NEO1: variants seen among roughly 807,000 people sequenced by gnomAD.
NEO1 encodes the protein neogenin 1.
NEO1 carries 63 observed loss-of-function variants against 159.7 expected under a neutral mutation model. The observed-to-expected ratio is 0.39, with a 90% CI of 0.32 to 0.49. The LOEUF (loss-of-function observed/expected upper bound fraction) is 0.49. Ranked by LOEUF, NEO1 falls within the 20% of genes least tolerant of loss-of-function variation. The pLI, the probability that NEO1 is intolerant of heterozygous loss-of-function variation, is 0.85. For synonymous variants in NEO1, 633 were observed against 662.0 expected (o/e 0.96, Z 0.67); for missense variants, 1,615 against 1,831.0 (o/e 0.88, Z 2.15).
chr15:73,111,282 T>A (rs1471086394), intron 1 of NEO1, among the ~76,000 whole-genome samples: 1 of 152,224 alleles, frequency 6.6e-6, no homozygotes, highest in East Asian at 1.9e-4. Context: ...ACGTACATTT[T>A]TTATTATTTA....
chr15:73,269,485 C>A (rs957177568), intron 16 of NEO1, among the ~76,000 whole-genome samples: 1 of 152,090 alleles, frequency 6.6e-6, no homozygotes, highest in Non-Finnish European at 1.5e-5. Context: ...CTCAGCCTCC[C>A]GAGTAGCTGG....
intron 15 of NEO1, among the ~76,000 whole-genome samples, chr15:73,262,231 C>T (rs1596515740): frequency 6.6e-6 from 1 of 152,176 alleles, no homozygotes; most frequent in East Asian, 1.9e-4. Context: ...TGTAAAACAG[C>T]ACAAATCATA....
chr15:73,276,935 G>A (rs2041451453), intron 21 of NEO1, among the ~76,000 whole-genome samples: 1 of 152,134 alleles, frequency 6.6e-6, no homozygotes, highest in Non-Finnish European at 1.5e-5. Flanking sequence ...TTTTATGCTT[G>A]TAATAGGAGT....
chr15:73,102,491 T>C (rs1294631220), intron 1 of NEO1, among the ~76,000 whole-genome samples: 2 of 152,200 alleles, frequency 1.3e-5, no homozygotes, highest in African/African-American at 4.8e-5. Context: ...CTGTCATCTG[T>C]TTATAGGACT....
intron 5 of NEO1, among the ~76,000 whole-genome samples, chr15:73,167,392 A>C (rs894830438): frequency 3.9e-5 from 6 of 151,904 alleles, no homozygotes; most frequent in Non-Finnish European, 7.4e-5. Flanking sequence ...CAAGTTGTTC[A>C]TTTGCTTCTC....
rs547841948 is a variant in NEO1 at position 73,277,455 on chromosome 15, C to G, written c.3194-676C>G. ...GTGGTCCTAGGCCTGAGGTCAGCAG[C>G]CTCACTTAGTATGTTCCCTGATGAT... On this transcript the variant is annotated intron_variant, in intron 21 of 28. Coordinates refer to ENST00000261908, the MANE Select transcript of NEO1 (RefSeq NM_002499.4). Among the ~76,000 whole-genome samples the G allele has an allele frequency of 3.9e-5, 6 of 152,258 alleles. No homozygotes were observed. The South Asian group carries it at 1.2e-3, about 32-fold the overall frequency.
chr15:73,293,717 C>T (rs2042246818), intron 26 of NEO1, among the ~76,000 whole-genome samples, 169 bp downstream of exon 26: 1 of 152,222 alleles, frequency 6.6e-6, no homozygotes, highest in Admixed American at 6.5e-5. Context: ...AAAATTCACC[C>T]CATATTTCTA....
intron 1 of NEO1, among the ~76,000 whole-genome samples, chr15:73,063,332 A>G (rs1437815567): frequency 6.6e-6 from 1 of 152,112 alleles, no homozygotes; most frequent in African/African-American, 2.4e-5. Flanking sequence ...AGAATGACTT[A>G]ATATGTGTCC....
intron 1 of NEO1, among the ~76,000 whole-genome samples, chr15:73,106,633 G>T (rs2070709669): frequency 6.6e-6 from 1 of 152,068 alleles, no homozygotes; most frequent in South Asian, 2.1e-4. Context: ...ACAATCTTGG[G>T]CACAAAGGAA....
chr15:73,278,948 G>A (rs2041545928), intron 22 of NEO1, among the ~76,000 whole-genome samples: 1 of 152,212 alleles, frequency 6.6e-6, no homozygotes. Flanking sequence ...AGTGGAAAGT[G>A]TCCACAGAAG....
intron 5 of NEO1, among the ~76,000 whole-genome samples, chr15:73,148,592 T>G (rs2033114857): frequency 1.3e-5 from 2 of 152,324 alleles, no homozygotes; most frequent in East Asian, 3.9e-4. Flanking sequence ...AAACCCAGTT[T>G]ACACACAGGA....
At chr15:73,275,452 C>G (rs1168641307) in intron 21 of NEO1, among the ~76,000 whole-genome samples, 1 of 152,064 alleles carries the variant, frequency 6.6e-6, no homozygotes, top group South Asian at 2.1e-4. Context: ...GAGTTCAAGA[C>G]TAGCCTGGGC....
chr15:73,249,712 T>C lies in NEO1; in HGVS notation c.1885T>C (p.Leu629=), dbSNP rs1408072181. The C allele has an allele frequency of 3.0e-5, 49 of 1,610,116 alleles. No individual in the cohort carries two copies. Among genetic ancestry groups the C allele is most frequent in the Non-Finnish European group, 4.2e-5 (49 of 1,178,890 alleles). ...VSTPDVAVRT[L]SDVPSAAPQN... Reference sequence around the variant, plus strand: ...CACACCAGATGTTGCTGTTCGAACATTGTCAGATGGTGAGTCTTTCTTCCT... The same window carrying C: ...CACACCAGATGTTGCTGTTCGAACACTGTCAGATGGTGAGTCTTTCTTCCT... The change falls in exon 11 of 29, where the codon TTG becomes CTG. Residue 629 remains leucine, a synonymous_variant. Transcript: ENST00000261908.
chr15:73,212,042 C>G (rs532788894), intron 7 of NEO1, among the ~76,000 whole-genome samples: 1 of 152,086 alleles, frequency 6.6e-6, no homozygotes, highest in South Asian at 2.1e-4. Flanking sequence ...TCAATACATT[C>G]GTATCGGGGT....
chr15:73,299,613 C>T (rs995240675), intron 27 of NEO1, among the ~76,000 whole-genome samples: 1 of 152,202 alleles, frequency 6.6e-6, no homozygotes, highest in Admixed American at 6.5e-5. Flanking sequence ...TCTTGATCTC[C>T]TGACCTCGTG....
chr15:73,067,777 C>T (rs923651413), intron 1 of NEO1, among the ~76,000 whole-genome samples: 16 of 152,074 alleles, frequency 1.1e-4, no homozygotes, highest in Middle Eastern at 3.4e-3. Flanking sequence ...CCACCATGCC[C>T]GGCTAATTTT....
intron 2 of NEO1, among the ~76,000 whole-genome samples, chr15:73,122,077 A>G (rs199726042): frequency 0.3 from 37,552 of 124,794 alleles, 6,230 homozygotes; most frequent in Admixed American, 0.4. Context: ...ATATATATAT[A>G]TATATATATA....
chr15:73,268,618 A>G (rs1297544985), intron 16 of NEO1, among the ~76,000 whole-genome samples: 1 of 152,246 alleles, frequency 6.6e-6, no homozygotes, highest in East Asian at 1.9e-4. Context: ...AACAAGGTCC[A>G]TGCCATTCCA....
intron 7 of NEO1, among the ~76,000 whole-genome samples, chr15:73,218,499 T>A (rs906034283): frequency 6.6e-6 from 1 of 152,142 alleles, no homozygotes; most frequent in Non-Finnish European, 1.5e-5. Context: ...TCAGAAGGAA[T>A]GGTACCAGTT....
Sources: allele counts gnomAD v4.1 joint callset (sites outside exome capture counted in the v4.1 genomes callset), GRCh38; gene constraint gnomAD v4.1.1; transcripts MANE v1.5; gene names NCBI Gene and HGNC (gene_info 2026-07-23, HGNC 2026-07-21).